Variants in KIF20B observed in about 807,000 individuals in gnomAD.
KIF20B encodes the protein kinesin family member 20B.
Under a neutral mutation model 232.5 loss-of-function variants are expected in KIF20B, and 188 were observed. The ratio of observed to expected loss-of-function variants is 0.81; its 90% CI spans 0.72 to 0.91. The LOEUF is 0.91. KIF20B is among the 40% of genes least tolerant of loss of function. The pLI, the probability that KIF20B is intolerant of heterozygous loss-of-function variation, is 0.00. For missense variants in KIF20B, 2,154 were observed against 2,055.9 expected (o/e 1.05, Z -0.92); for synonymous variants, 712 against 683.0 (o/e 1.04, Z -0.66).
chr10:89,752,523 CT>C, intron 24 of KIF20B, 43 bp from the exon 25 acceptor site: 4 of 1,467,640 alleles, frequency 2.7e-6, no homozygotes, highest in East Asian at 2.5e-5. Context: ...CATGGTATAA[CT>C]TTTGCATATG....
At chr10:89,755,566 C>T (rs1842104740) in intron 26 of KIF20B, among the ~76,000 whole-genome samples, 1 of 150,714 alleles carries the variant, frequency 6.6e-6, no homozygotes, top group Non-Finnish European at 1.5e-5. Context: ...CCGTGCCCAT[C>T]CCCTTCCCCT....
At chr10:89,770,576 G>T (rs1842442312) in intron 31 of KIF20B, among the ~76,000 whole-genome samples, 1 of 151,808 alleles carries the variant, frequency 6.6e-6, no homozygotes, top group Non-Finnish European at 1.5e-5. Context: ...TTCCTTAACA[G>T]CTTCCCTACC....
chr10:89,714,758 ATT>A (rs1273873270), intron 7 of KIF20B, among the ~76,000 whole-genome samples, 195 bp from the exon 8 acceptor site: 2 of 152,220 alleles, frequency 1.3e-5, no homozygotes. Flanking sequence ...AAAGAAAGGA[ATT>A]ATAAGAAGTT....
chr10:89,743,733 C>T (rs1478909253), intron 21 of KIF20B, 75 bp from the exon 22 acceptor site: 1 of 968,520 alleles, frequency 1.0e-6, no homozygotes, highest in Non-Finnish European at 1.5e-6. Context: ...AACATAGTTG[C>T]CATGAATCTT....
rs749872199 is a variant in KIF20B at position 89,745,943 on chromosome 10, T to C, written c.4080T>C (p.Tyr1360=). ...NQKVEEAIQQ[Y]ERACKDLNVK... is the part of the protein sequence containing the mutation. ...AAGTGGAAGAAGCTATACAACAGTATGAGAGAGCATGCAAAGGTCAGGAAC... is the reference window on the plus strand; with the variant it reads ...AAGTGGAAGAAGCTATACAACAGTACGAGAGAGCATGCAAAGGTCAGGAAC... The change falls in exon 23 of 33, where the codon TAT becomes TAC. Residue 1360 remains tyrosine (Y), a synonymous_variant. Transcript: ENST00000371728. The C allele has an allele frequency of 1.8e-5, 29 of 1,611,098 alleles. No individual in the cohort carries two copies. The highest frequency in any genetic ancestry group is 2.3e-5 in the Non-Finnish European group (27 of 1,177,268).
At position 89,772,725 on chromosome 10, in the gene KIF20B, T is replaced by A. The variant is rs1196191921; in HGVS notation, c.5279T>A (p.Leu1760His). The change falls in exon 32 of 33, where the codon CTC becomes CAC. Residue 1760 changes from leucine to histidine, a missense_variant. Transcript: ENST00000371728. ...KIIETMSSSK[L>H]SNVEASKENV... ...ATTGAAACAATGAGCTCTTCAAAGCTCTCAAATGTAGAAGCAAGTAAAGAA... is the reference window on the plus strand; with the variant it reads ...ATTGAAACAATGAGCTCTTCAAAGCACTCAAATGTAGAAGCAAGTAAAGAA... The A allele has an allele frequency of 6.2e-7, 1 of 1,603,702 alleles. No homozygotes were observed. The highest frequency in any genetic ancestry group is 1.7e-4 in the Middle Eastern group (1 of 6,012).
intron 6 of KIF20B, 82 bp downstream of exon 6, chr10:89,711,227 A>G: frequency 1.1e-6 from 1 of 875,124 alleles, no homozygotes. Flanking sequence ...CATATATTGG[A>G]ATCTGGTTTG....
chr10:89,716,114 C>T (rs1842928878), intron 8 of KIF20B, among the ~76,000 whole-genome samples: 1 of 152,156 alleles, frequency 6.6e-6, no homozygotes, highest in African/African-American at 2.4e-5. Context: ...GGTAATTTTA[C>T]AGGTTTAATC....
intron 13 of KIF20B, among the ~76,000 whole-genome samples, chr10:89,720,455 C>A (rs1843028473): frequency 6.6e-6 from 1 of 152,104 alleles, no homozygotes; most frequent in African/African-American, 2.4e-5. Context: ...TATTTCAGAT[C>A]TGTATTGCAA....
intron 26 of KIF20B, among the ~76,000 whole-genome samples, chr10:89,758,367 G>T (rs552853295): frequency 1.1e-3 from 166 of 151,908 alleles, no homozygotes; most frequent in Middle Eastern, 3.4e-3. Context: ...TTTTTCTGTT[G>T]TTTGTTGCTA....
intron 2 of KIF20B, among the ~76,000 whole-genome samples, chr10:89,707,228 AG>A (rs1458326976): frequency 6.6e-6 from 1 of 152,144 alleles, no homozygotes; most frequent in Non-Finnish European, 1.5e-5. Context: ...CAGTTTGATA[AG>A]TTTTGACATG....
intron 19 of KIF20B, among the ~76,000 whole-genome samples, chr10:89,733,351 A>G (rs1843371434): frequency 6.6e-6 from 1 of 152,204 alleles, no homozygotes; most frequent in African/African-American, 2.4e-5. Flanking sequence ...TTATAAATAT[A>G]GTATTTTCTG....
intron 19 of KIF20B, among the ~76,000 whole-genome samples, chr10:89,735,461 G>A (rs147098631): frequency 9.2e-4 from 139 of 151,512 alleles, no homozygotes; most frequent in African/African-American, 3.0e-3. Flanking sequence ...GATAATATTC[G>A]GGACTCATTA....
chr10:89,765,621 C>T (rs1407667652), intron 29 of KIF20B, among the ~76,000 whole-genome samples: 3 of 152,080 alleles, frequency 2.0e-5, no homozygotes, highest in Non-Finnish European at 2.9e-5. Context: ...CATCACGCTA[C>T]CTGACTTAAC....
At chr10:89,718,182 G>T (rs12359112) in intron 11 of KIF20B, among the ~76,000 whole-genome samples, 5 of 152,056 alleles carry the variant, frequency 3.3e-5, no homozygotes, top group African/African-American at 4.8e-5. Context: ...GTTAAATGTG[G>T]TTTTCTTTAT....
chr10:89,720,573 T>C (rs7074112), intron 13 of KIF20B, among the ~76,000 whole-genome samples: 47,474 of 152,128 alleles, frequency 0.31, 8,389 homozygotes, highest in African/African-American at 0.47. Context: ...AGTACAAGTG[T>C]TAAAAATATC....
At position 89,758,698 on chromosome 10, in the gene KIF20B, C is replaced by G; in HGVS notation, c.4504-8C>G. On this transcript the variant is annotated splice_region_variant and splice_polypyrimidine_tract_variant and intron_variant, in intron 26 of 32. Coordinates refer to ENST00000371728, the MANE Select transcript of KIF20B (RefSeq NM_001284259.2). Reference sequence around the variant, plus strand: ...TTGATTTTAATATTTTCTTTATTTCCTGATTAGGAAATACTGACAGCCCAG... The same window carrying G: ...TTGATTTTAATATTTTCTTTATTTCGTGATTAGGAAATACTGACAGCCCAG... 5.8e-6 allele frequency: 9 copies of G among 1,539,692 alleles called. No homozygotes were observed. Among genetic ancestry groups the G allele is most frequent in the Non-Finnish European group, 6.1e-6 (7 of 1,147,270 alleles).
In KIF20B at chr10:89,758,241, A is replaced by G. The variant is rs1842171889; in HGVS notation, c.4504-465A>G. ...TCCTTCAACACAGACCAATCTCTCTATTTATTTAGGTGTTCTTTAATCTCT... is the reference window on the plus strand; with the variant it reads ...TCCTTCAACACAGACCAATCTCTCTGTTTATTTAGGTGTTCTTTAATCTCT... On this transcript the variant is annotated intron_variant, in intron 26 of 32. Transcript: ENST00000371728. 2.0e-5 allele frequency among the ~76,000 whole-genome samples: 3 copies of G among 151,916 alleles called. No homozygotes were observed. In the South Asian group the frequency reaches 6.2e-4, roughly 31 times the overall value.
rs778662457 is a variant in KIF20B, at chr10:89,726,403, T to G, written c.2112T>G (p.Pro704=). Residue 704 remains proline, a synonymous_variant, in exon 16 of 33, where the codon CCT becomes CCG. Coordinates refer to ENST00000371728, the MANE Select transcript of KIF20B (RefSeq NM_001284259.2). The part of the protein sequence containing the change: ...EIAHLYIASL[P]DPQEATACLE... ...CTCACTTATATATTGCATCTCTTCC[T>G]GACCCCCAGGAAGCTACTGCTTGTT... 1 of 1,589,648 alleles carries G rather than the reference T, an allele frequency of 6.3e-7. No homozygotes were observed. Among genetic ancestry groups the G allele is most frequent in the East Asian group, 2.3e-5 (1 of 43,540 alleles).
Sources: gnomAD v4.1 joint callset for allele counts (sites outside exome capture counted in the v4.1 genomes callset) on GRCh38, gnomAD v4.1.1 for gene constraint, MANE v1.5 for transcripts, NCBI Gene and HGNC (gene_info 2026-07-23, HGNC 2026-07-21) for gene names.